The following TSPEAR variants were observed in gnomAD, a reference collection of about 807,000 sequenced individuals.
TSPEAR encodes the protein thrombospondin-type laminin G domain and EAR repeat-containing protein.
A neutral mutation model predicts 71.6 loss-of-function variants in TSPEAR; 69 were observed. The observed-to-expected ratio is 0.96, with a 90% confidence interval of 0.79 to 1.18. The LOEUF is 1.18. TSPEAR is among the 50% of genes most tolerant of loss of function. The pLI is 0.00. For synonymous variants in TSPEAR, 402 were observed against 387.2 expected (o/e 1.04, Z -0.45); for missense variants, 971 against 894.9 (o/e 1.09, Z -1.09).
chr21:44,699,713 G>A (rs530508925), intron 1 of TSPEAR, among the ~76,000 whole-genome samples: 1 of 152,270 alleles, frequency 6.6e-6, no homozygotes, highest in East Asian at 1.9e-4. Context: ...TTTTCTCTAT[G>A]TGCGTTCTCT....
intron 1 of TSPEAR, among the ~76,000 whole-genome samples, chr21:44,683,551 C>A (rs1380422650): frequency 6.6e-6 from 1 of 152,026 alleles, no homozygotes; most frequent in Non-Finnish European, 1.5e-5. Flanking sequence ...TGCTTGTGGT[C>A]CCAGCTACAC....
chr21:44,651,641 G>A (rs587630083), intron 1 of TSPEAR, among the ~76,000 whole-genome samples: 1 of 152,238 alleles, frequency 6.6e-6, no homozygotes, highest in Admixed American at 6.5e-5. Flanking sequence ...TAAGGACCCT[G>A]TGGAGACACT....
chr21:44,645,568 G>A (rs1269089314), intron 1 of TSPEAR, among the ~76,000 whole-genome samples: 1 of 151,734 alleles, frequency 6.6e-6, no homozygotes, highest in Non-Finnish European at 1.5e-5. Context: ...TGGCCAGGCT[G>A]GTCTCAAACT....
Position 44,567,790 on chromosome 21 carries a change from G to T in TSPEAR, c.298C>A (p.Pro100Thr). The T allele has an allele frequency of 6.4e-7, 1 of 1,567,060 alleles. No individual in the cohort carries two copies. The highest frequency in any genetic ancestry group is 8.7e-7 in the Non-Finnish European group (1 of 1,154,508). The change falls in exon 2 of 12, where the codon CCC becomes ACC. Residue 100 changes from proline to threonine, a missense_variant. Pro to Thr is a conservative substitution (Grantham distance 38). Coordinates refer to ENST00000323084, the MANE Select transcript of TSPEAR (RefSeq NM_144991.3). ...GTGCAGAAAGTGCCACTGACCTTGG[G>T]TGGAAGATTGGGAACTCTCAAAGTT... ...VVTLRVPNLP[P>T]KRNEYLLTVV...
chr21:44,499,741 G>GC lies in TSPEAR; in HGVS notation c.*41dup. 1 of 1,522,176 alleles carries GC rather than the reference G, an allele frequency of 6.6e-7. No homozygotes were observed. The highest frequency in any genetic ancestry group is 8.8e-7 in the Non-Finnish European group (1 of 1,134,836). 94.3% of individuals were successfully genotyped at this position (1,522,176 alleles called of 1,614,324 possible). On this transcript the variant is annotated 3_prime_UTR_variant, in exon 12 of 12. Coordinates refer to ENST00000323084, the MANE Select transcript of TSPEAR (RefSeq NM_144991.3). ...CAGTTGGGGGAGGTGCTGGGGTCCC[G>GC]CCCCACCTGGCCACCCCAGTTGCTG...
intron 11 of TSPEAR, among the ~76,000 whole-genome samples, chr21:44,503,697 A>G (rs1401397200): frequency 1.7e-4 from 20 of 116,468 alleles, no homozygotes; most frequent in African/African-American, 5.6e-4. Context: ...TCTGGGAGGA[A>G]GCCGGCCTCG....
chr21:44,686,377 C>A (rs936973767), intron 1 of TSPEAR: 20 of 153,748 alleles, frequency 1.3e-4, no homozygotes, highest in Non-Finnish European at 1.2e-4. Context: ...TGCCCTGGTT[C>A]TATGCTGCAT....
chr21:44,657,958 A>T (rs587742064), intron 1 of TSPEAR: 2 of 1,607,656 alleles, frequency 1.2e-6, no homozygotes, highest in East Asian at 2.2e-5. Context: ...CCTCCCCAGT[A>T]CCAGCCCAGC....
At chr21:44,700,413 G>A (rs1408781982) in intron 1 of TSPEAR, among the ~76,000 whole-genome samples, 1 of 152,152 alleles carries the variant, frequency 6.6e-6, no homozygotes, top group African/African-American at 2.4e-5. Flanking sequence ...ATCCCTCAGC[G>A]ATGAAGGACG....
intron 1 of TSPEAR, among the ~76,000 whole-genome samples, chr21:44,655,214 G>A (rs1396950010): frequency 6.9e-6 from 1 of 145,222 alleles, no homozygotes; most frequent in South Asian, 2.3e-4. Context: ...GTAAGTCATA[G>A]AGGGTTTGCA....
At chr21:44,659,831 T>C (rs888258367) in intron 1 of TSPEAR, among the ~76,000 whole-genome samples, 6 of 152,224 alleles carry the variant, frequency 3.9e-5, no homozygotes, top group Non-Finnish European at 8.8e-5. Flanking sequence ...GTTAGAGCTA[T>C]CAGGTATAAA....
In TSPEAR at chr21:44,701,988, CTCTG is replaced by C. The variant is rs368822030; in HGVS notation, c.82+9441_82+9444del. On this transcript the variant is annotated intron_variant, in intron 1 of 11. Transcript: ENST00000323084. ...GTTTTCCTTCCGTGAGATCCACGTT[CTCTG>C]TCTTCTATCTCTGAGCCAAGTTCAG... is the stretch of plus-strand genomic sequence containing the variant. Among the ~76,000 whole-genome samples, 22 of 152,278 alleles carry C rather than the reference CTCTG, an allele frequency of 1.4e-4. 1 individual carries two copies. The East Asian group carries it at 3.7e-3, about 25-fold the overall frequency.
rs1200945937 is a variant in TSPEAR, at chr21:44,689,734, T to TATATATATATATATAA, written c.82+21698_82+21699insTTATATATATATATAT. Among the ~76,000 whole-genome samples the TATATATATATATATAA allele has an allele frequency of 1.7e-4, 21 of 123,538 alleles. 1 individual carries two copies. The highest frequency in any genetic ancestry group is 2.7e-4 in the Non-Finnish European group (16 of 60,358). 81.0% of individuals were successfully genotyped at this position (123,538 alleles called of 152,430 possible). A position where few individuals can be genotyped will look rare whatever the true frequency, so the allele number is the denominator to read the frequency against. On this transcript the variant is annotated intron_variant, in intron 1 of 11. Coordinates refer to ENST00000323084, the MANE Select transcript of TSPEAR (RefSeq NM_144991.3). ...ATGAATATATATATATATATATATA[T>TATATATATATATATAA]ATATATTTTGGGGGGGGTTACTAAG... is the stretch of plus-strand genomic sequence containing the variant.
chr21:44,539,462 G>A (rs2053164174), intron 2 of TSPEAR: 2 of 1,613,532 alleles, frequency 1.2e-6, no homozygotes, highest in Non-Finnish European at 1.7e-6. Context: ...GGACACGGAG[G>A]AGGAGGGTCT....
intron 1 of TSPEAR, among the ~76,000 whole-genome samples, chr21:44,704,922 C>T (rs1601585599): frequency 6.6e-6 from 1 of 152,276 alleles, no homozygotes; most frequent in South Asian, 2.1e-4. Flanking sequence ...GCCCGCCCCG[C>T]CCAGACGCAC....
In TSPEAR at chr21:44,646,917, G is replaced by T. The variant is rs368758792; in HGVS notation, c.82+64516C>A. On this transcript the variant is annotated intron_variant, in intron 1 of 11. Coordinates refer to ENST00000323084, the MANE Select transcript of TSPEAR (RefSeq NM_144991.3). ...CCTGCTGTGTGCCCGTCTGCTGCAA[G>T]CCTGTGTGCTGTGTGTCCACCTGCT... 60 of 1,611,990 alleles carry T rather than the reference G, an allele frequency of 3.7e-5. No homozygotes were observed. The African/African-American group carries it at 7.7e-4, about 21-fold the overall frequency.
chr21:44,509,083 G>A, intron 10 of TSPEAR, 116 bp downstream of exon 10: 1 of 1,379,390 alleles, frequency 7.2e-7, no homozygotes, highest in African/African-American at 1.4e-5. Flanking sequence ...CCACAGGAAG[G>A]TCCCCAGGCC....
At position 44,666,353 on chromosome 21, in the gene TSPEAR, CA is replaced by C. The variant is rs1320332552; in HGVS notation, c.82+45079del. On this transcript the variant is annotated intron_variant, in intron 1 of 11. Transcript: ENST00000323084. ...TTCAACTGAGCATGCTTTTCACCTG[CA>C]CCATGTGCAGAAGACCAACTGAGGA... 3 of 1,364,240 alleles carry C rather than the reference CA, an allele frequency of 2.2e-6. No homozygotes were observed. In the Admixed American group the frequency reaches 6.8e-5, roughly 31 times the overall value. The allele number at this position is 1,364,240 out of a possible 1,614,324, so 84.5% of individuals were successfully genotyped here. A position where few individuals can be genotyped will look rare whatever the true frequency, so the allele number is the denominator to read the frequency against.
At position 44,587,129 on chromosome 21, in the gene TSPEAR, C is replaced by A. The variant is rs192164925; in HGVS notation, c.83-19124G>T. 1.2e-3 allele frequency among the ~76,000 whole-genome samples: 181 copies of A among 152,232 alleles called. 1 individual carries two copies. Among genetic ancestry groups the A allele is most frequent in the Non-Finnish European group, 7.2e-4 (49 of 68,022 alleles). On this transcript the variant is annotated intron_variant, in intron 1 of 11. Transcript: ENST00000323084. ...TGTTTGCTGATGATATGATCGTACA[C>A]CTAGAAAACCCCAAAGATTCCTACA...
Sources: allele counts gnomAD v4.1 joint callset (sites outside exome capture counted in the v4.1 genomes callset), GRCh38; gene constraint gnomAD v4.1.1; transcripts MANE v1.5; gene names NCBI Gene and HGNC (gene_info 2026-07-23, HGNC 2026-07-21).